USP12: variants seen among roughly 807,000 people sequenced by gnomAD.
The protein encoded by USP12 is ubiquitin specific peptidase 12, also known as ubiquitin carboxyl-terminal hydrolase 12.
A neutral mutation model predicts 45.5 loss-of-function variants in USP12; 19 were observed. The ratio of observed to expected loss-of-function variants is 0.42; its 90% CI spans 0.29 to 0.61. The LOEUF (loss-of-function observed/expected upper bound fraction) is 0.61. Among genes scored for constraint, USP12 ranks in the 20% least tolerant of loss-of-function variants. The pLI is 0.22. For synonymous variants in USP12, 149 were observed against 148.8 expected, an observed-to-expected ratio of 1.00 and a Z score of -0.01; for missense variants, 242 against 447.7, an observed-to-expected ratio of 0.54 and a Z score of 4.15.
At chr13:27,128,308 C>G (rs2137808228) in intron 1 of USP12, among the ~76,000 whole-genome samples, 1 of 152,340 alleles carries the variant, frequency 6.6e-6, no homozygotes, top group South Asian at 2.1e-4. Flanking sequence ...AAGAACCACT[C>G]TGTCAAGCCT....
At chr13:27,097,227 A>G (rs1177886997) in intron 3 of USP12, among the ~76,000 whole-genome samples, 1 of 151,562 alleles carries the variant, frequency 6.6e-6, no homozygotes, top group Non-Finnish European at 1.5e-5. Context: ...GCACTCTGGG[A>G]GGCCAAGGCA....
In USP12 at chr13:27,157,333, G is replaced by C. The variant is rs918461714; in HGVS notation, c.48+14259C>G. Among the ~76,000 whole-genome samples, 3 of 152,172 alleles carry C rather than the reference G, an allele frequency of 2.0e-5. No homozygotes were observed. In the East Asian group the frequency reaches 5.8e-4, roughly 29 times the overall value. On this transcript the variant is annotated intron_variant, in intron 1 of 8. Coordinates refer to ENST00000282344, the MANE Select transcript of USP12 (RefSeq NM_182488.4). ...TGAAATGGACCTAAGATCACAAAGA[G>C]GTGTATATAATCCCGTCATTATATA...
chr13:27,152,868 G>T (rs1877637744), intron 1 of USP12, among the ~76,000 whole-genome samples: 1 of 151,198 alleles, frequency 6.6e-6, no homozygotes, highest in Admixed American at 6.6e-5. Context: ...CGTGAACCTG[G>T]GAGGCGGAGC....
rs117596099 is a variant in USP12, at chr13:27,160,004, C to T, written c.48+11588G>A. Among the ~76,000 whole-genome samples, 25 of 152,260 alleles carry T rather than the reference C, an allele frequency of 1.6e-4. No individual in the cohort carries two copies. The East Asian group carries it at 4.0e-3, about 25-fold the overall frequency. On this transcript the variant is annotated intron_variant, in intron 1 of 8. Coordinates refer to ENST00000282344, the MANE Select transcript of USP12 (RefSeq NM_182488.4). ...ACAAGGAAGTAAAAACCTGAAAGAGCGGAATTGCGAACACTTGGCAGGAGG... is the reference window on the plus strand; with the variant it reads ...ACAAGGAAGTAAAAACCTGAAAGAGTGGAATTGCGAACACTTGGCAGGAGG...
intron 2 of USP12, among the ~76,000 whole-genome samples, chr13:27,108,309 T>G (rs1478191330): frequency 6.6e-6 from 1 of 151,502 alleles, no homozygotes; most frequent in Non-Finnish European, 1.5e-5. Flanking sequence ...CGCATGTTCT[T>G]ACTCATAGAT....
At chr13:27,134,661 G>A (rs1876710700) in intron 1 of USP12, among the ~76,000 whole-genome samples, 1 of 151,880 alleles carries the variant, frequency 6.6e-6, no homozygotes, top group Non-Finnish European at 1.5e-5. Flanking sequence ...TGCCATTAAA[G>A]AAGAACTTGA....
intron 1 of USP12, among the ~76,000 whole-genome samples, chr13:27,152,480 A>C (rs1026737211): frequency 6.6e-6 from 1 of 152,178 alleles, no homozygotes; most frequent in African/African-American, 2.4e-5. Flanking sequence ...GGGGAGGGAA[A>C]GGAAAGAAGG....
At chr13:27,073,720 T>C (rs1000233106) in intron 7 of USP12, among the ~76,000 whole-genome samples, 3 of 152,212 alleles carry the variant, frequency 2.0e-5, no homozygotes, top group African/African-American at 7.2e-5. Context: ...TTTTTGTTAA[T>C]AGAACAGTAG....
At chr13:27,079,176 A>C (rs1251562757) in intron 6 of USP12, among the ~76,000 whole-genome samples, 3 of 120,214 alleles carry the variant, frequency 2.5e-5, no homozygotes, top group African/African-American at 9.5e-5. Flanking sequence ...CTGAGACAGA[A>C]AGTCCCAGGC....
Position 27,075,355 on chromosome 13 carries a change from A to G in USP12, c.768T>C (p.Ala256=). The change falls in exon 7 of 9, where the codon GCT becomes GCC. Residue 256 remains alanine (A), a synonymous_variant. Coordinates refer to ENST00000282344, the MANE Select transcript of USP12 (RefSeq NM_182488.4). ...MKVKKLPMIL[A]LHLKRFKYMD... is the part of the protein sequence containing the mutation. The stretch of plus-strand genomic sequence containing the variant: ...TATATTTAAATCTCTTCAGGTGTAG[A>G]GCTAGAATCATGGGCAGTTTTTTAA... The G allele has an allele frequency of 6.2e-7, 1 of 1,613,642 alleles. No individual in the cohort carries two copies. Among genetic ancestry groups the G allele is most frequent in the Non-Finnish European group, 8.5e-7 (1 of 1,179,704 alleles).
At chr13:27,144,052 AACTT>A (rs1877190578) in intron 1 of USP12, among the ~76,000 whole-genome samples, 1 of 152,118 alleles carries the variant, frequency 6.6e-6, no homozygotes. Flanking sequence ...AAGACTATGA[AACTT>A]AGCCAGGTGT....
At chr13:27,103,903 A>G (rs533765218) in intron 3 of USP12, among the ~76,000 whole-genome samples, 1 of 152,328 alleles carries the variant, frequency 6.6e-6, no homozygotes, top group South Asian at 2.1e-4. Flanking sequence ...ACCTCTGTTC[A>G]GCATGAGGGT....
chr13:27,117,300 A>T lies in USP12; in HGVS notation c.49-704T>A, dbSNP rs181225933. ...ACAGGAGTGTAATCTGATAGCACACATCTCTCAGAGCTGAAGTTCTGTGAA... is the reference window on the plus strand; with the variant it reads ...ACAGGAGTGTAATCTGATAGCACACTTCTCTCAGAGCTGAAGTTCTGTGAA... On this transcript the variant is annotated intron_variant, in intron 1 of 8. Coordinates refer to ENST00000282344, the MANE Select transcript of USP12 (RefSeq NM_182488.4). 2.7e-3 allele frequency among the ~76,000 whole-genome samples: 411 copies of T among 152,332 alleles called. 5 individuals are homozygous for T. Among genetic ancestry groups the T allele is most frequent in the Non-Finnish European group, 1.0e-3 (70 of 68,044 alleles).
At position 27,087,229 on chromosome 13, in the gene USP12, T is replaced by C. The variant is rs184526464; in HGVS notation, c.734+2654A>G. ...GTTAACAAAAGGTGCACCGACCAAA[T>C]AAGTAAATATAGTGGGGAGGGATGT... On this transcript the variant is annotated intron_variant, in intron 6 of 8. Transcript: ENST00000282344. Among the ~76,000 whole-genome samples, 9 of 135,076 alleles carry C rather than the reference T, an allele frequency of 6.7e-5. No individual in the cohort carries two copies. The South Asian group carries it at 6.9e-4, about 10-fold the overall frequency. The allele number at this position is 135,076 out of a possible 152,430, so 88.6% of individuals were successfully genotyped here.
intron 1 of USP12, among the ~76,000 whole-genome samples, chr13:27,139,022 T>A (rs1204562680): frequency 6.6e-6 from 1 of 152,228 alleles, no homozygotes; most frequent in African/African-American, 2.4e-5. Flanking sequence ...TTAACCAGTA[T>A]CTTCCCAAGG....
chr13:27,128,059 C>T (rs1415325707), intron 1 of USP12, among the ~76,000 whole-genome samples: 1 of 152,160 alleles, frequency 6.6e-6, no homozygotes, highest in Non-Finnish European at 1.5e-5. Flanking sequence ...CCACATAATT[C>T]ATGGCTAAAT....
intron 1 of USP12, among the ~76,000 whole-genome samples, chr13:27,155,163 C>G (rs555582321): frequency 1.4e-4 from 21 of 147,028 alleles, no homozygotes; most frequent in African/African-American, 4.8e-4. Context: ...CTCATTGCAA[C>G]CTCCGCCTCC....
At chr13:27,115,658 A>T (rs74041198) in intron 2 of USP12, among the ~76,000 whole-genome samples, 1,595 of 152,342 alleles carry the variant, frequency 0.01, 36 homozygotes, top group African/African-American at 0.036. Context: ...CAGAACAGGT[A>T]ACATTCAGGT....
At position 27,106,844 on chromosome 13, in the gene USP12, CTA is replaced by C. The variant is rs200347823; in HGVS notation, c.130-902_130-901del. Among the ~76,000 whole-genome samples the C allele has an allele frequency of 2.4e-3, 371 of 151,940 alleles. 6 individuals are homozygous for C. In the East Asian group the frequency reaches 0.027, roughly 11 times the overall value. On this transcript the variant is annotated intron_variant, in intron 2 of 8. Transcript: ENST00000282344. The stretch of plus-strand genomic sequence containing the variant: ...TTATAAAACATTTACTTTGTACCCC[CTA>C]TCTTTTCTAAAATAAAAAAGAAATG...
Sources: allele counts gnomAD v4.1 joint callset (sites outside exome capture counted in the v4.1 genomes callset), GRCh38; gene constraint gnomAD v4.1.1; transcripts MANE v1.5; gene names NCBI Gene and HGNC (gene_info 2026-07-23, HGNC 2026-07-21).